Variants in KCNMB2 observed in about 807,000 individuals in gnomAD.
The protein encoded by KCNMB2 is potassium calcium-activated channel subfamily M regulatory beta subunit 2.
Under a neutral mutation model 24.5 loss-of-function variants are expected in KCNMB2, and 9 were observed. That is an observed-to-expected ratio of 0.37 (90% CI 0.22 to 0.64). The LOEUF (loss-of-function observed/expected upper bound fraction) is 0.64. Ranked by LOEUF, KCNMB2 falls within the 30% of genes least tolerant of loss-of-function variation. The probability of loss-of-function intolerance (pLI) is 0.63; values close to 1 mark genes in which losing one functional copy is unlikely to be tolerated. For missense variants in KCNMB2, 226 were observed against 284.3 expected (o/e 0.79, Z 1.47); for synonymous variants, 109 against 104.4 (o/e 1.04, Z -0.27).
intron 1 of KCNMB2, among the ~76,000 whole-genome samples, chr3:178,621,019 CT>C (rs1307200500): frequency 6.6e-6 from 1 of 152,174 alleles, no homozygotes; most frequent in Non-Finnish European, 1.5e-5. Context: ...CAATGGCAAA[CT>C]TTTGAAAGTT....
Position 178,653,554 on chromosome 3 carries a change from G to A in KCNMB2, c.-68+116843G>A, listed in dbSNP as rs149277606. On this transcript the variant is annotated intron_variant, in intron 1 of 4. Coordinates refer to ENST00000452583, the MANE Select transcript of KCNMB2 (RefSeq NM_181361.3). ...GATGTTTGCTCTAGCCTTTTGATAT[G>A]TAGCTTCTATAGAGTTAAACAAGGC... Among the ~76,000 whole-genome samples, 39 of 152,140 alleles carry A rather than the reference G, an allele frequency of 2.6e-4. No individual in the cohort carries two copies. The East Asian group carries it at 7.1e-3, about 28-fold the overall frequency.
chr3:178,705,426 C>T (rs1722245279), intron 1 of KCNMB2, among the ~76,000 whole-genome samples: 2 of 152,188 alleles, frequency 1.3e-5, no homozygotes, highest in South Asian at 4.1e-4. Context: ...CTAAAGCTGG[C>T]CTAGCCAAGA....
At chr3:178,569,921 G>C (rs1440821570) in intron 1 of KCNMB2, among the ~76,000 whole-genome samples, 2 of 152,128 alleles carry the variant, frequency 1.3e-5, no homozygotes, top group Non-Finnish European at 2.9e-5. Flanking sequence ...AAGGAAAGGG[G>C]CTGAAGATGA....
chr3:178,585,195 T>A (rs1052345914), intron 1 of KCNMB2, among the ~76,000 whole-genome samples: 4 of 150,688 alleles, frequency 2.7e-5, no homozygotes, highest in Non-Finnish European at 1.5e-5. Flanking sequence ...AACGCTTATG[T>A]TTTTCAGACT....
chr3:178,805,159 T>G (rs1022310753), intron 1 of KCNMB2, among the ~76,000 whole-genome samples: 4 of 152,322 alleles, frequency 2.6e-5, no homozygotes, highest in African/African-American at 9.6e-5. Flanking sequence ...TATGAATTCT[T>G]GCATCTGTAC....
chr3:178,789,982 A>G (rs1713260398), intron 1 of KCNMB2, among the ~76,000 whole-genome samples: 1 of 151,720 alleles, frequency 6.6e-6, no homozygotes, highest in Non-Finnish European at 1.5e-5. Context: ...TGCAGCTTGC[A>G]GCTCCAGGAG....
In KCNMB2 at chr3:178,654,895, TC is replaced by T. The variant is rs1720266276; in HGVS notation, c.-68+118185del. Among the ~76,000 whole-genome samples the T allele has an allele frequency of 2.6e-5, 4 of 152,334 alleles. No individual in the cohort carries two copies. In the South Asian group the frequency reaches 8.3e-4, roughly 32 times the overall value. ...GCTCCTCTGCTTATTTGCTGTGTTATCTCAGGCTGTCTAAGCCTCAGTTTTC... is the reference window on the plus strand; with the variant it reads ...GCTCCTCTGCTTATTTGCTGTGTTATTCAGGCTGTCTAAGCCTCAGTTTTC... On this transcript the variant is annotated intron_variant, in intron 1 of 4. Transcript: ENST00000452583.
chr3:178,537,816 G>A (rs1258707529), intron 1 of KCNMB2, among the ~76,000 whole-genome samples: 3 of 152,142 alleles, frequency 2.0e-5, no homozygotes, highest in East Asian at 3.9e-4. Context: ...CACAAACTCC[G>A]AGCTGTAAAG....
chr3:178,640,361 G>C (rs975156242), intron 1 of KCNMB2, among the ~76,000 whole-genome samples: 1 of 152,142 alleles, frequency 6.6e-6, no homozygotes, highest in African/African-American at 2.4e-5. Context: ...TGTTACCATG[G>C]AGGAGCAAGA....
rs550705929 is a variant in KCNMB2, at chr3:178,548,446, G to A, written c.-68+11735G>A. ...ATGTCAAGACCCTCCAATTTTTGAT[G>A]GCCAGGTGAATTTCTAGCCTAATCC... On this transcript the variant is annotated intron_variant, in intron 1 of 4. Transcript: ENST00000452583. Among the ~76,000 whole-genome samples, 61 of 152,224 alleles carry A rather than the reference G, an allele frequency of 4.0e-4. 1 individual carries two copies. The South Asian group carries it at 0.012, about 31-fold the overall frequency.
chr3:178,792,482 A>G (rs1713359552), intron 1 of KCNMB2, among the ~76,000 whole-genome samples: 1 of 152,216 alleles, frequency 6.6e-6, no homozygotes, highest in Non-Finnish European at 1.5e-5. Context: ...CACAAAAATG[A>G]ACACGGGAAG....
chr3:178,679,151 T>C (rs1721180470), intron 1 of KCNMB2, among the ~76,000 whole-genome samples: 1 of 152,194 alleles, frequency 6.6e-6, no homozygotes, highest in South Asian at 2.1e-4. Context: ...ATTTGTTGAC[T>C]GGGTCTCCCA....
intron 1 of KCNMB2, among the ~76,000 whole-genome samples, chr3:178,596,661 C>A (rs1169385957): frequency 6.6e-6 from 1 of 152,000 alleles, no homozygotes; most frequent in African/African-American, 2.4e-5. Flanking sequence ...TTCCATGGTC[C>A]TCTCCCATCT....
intron 1 of KCNMB2, among the ~76,000 whole-genome samples, chr3:178,736,004 A>T (rs1364817878): frequency 3.3e-5 from 5 of 152,142 alleles, no homozygotes; most frequent in Non-Finnish European, 7.4e-5. Flanking sequence ...TGTCTACTAC[A>T]CATTTGGCAC....
chr3:178,705,137 A>T (rs1722235986), intron 1 of KCNMB2, among the ~76,000 whole-genome samples: 1 of 152,078 alleles, frequency 6.6e-6, no homozygotes, highest in East Asian at 1.9e-4. Flanking sequence ...CTGGTAGCCT[A>T]AACCAGTCAT....
At chr3:178,757,533 G>GAT (rs559969917) in intron 1 of KCNMB2, among the ~76,000 whole-genome samples, 1 of 26,964 alleles carries the variant, frequency 3.7e-5, no homozygotes, top group African/African-American at 2.0e-4. Flanking sequence ...TATCCAAGAG[G>GAT]ATATATATAT....
intron 1 of KCNMB2, among the ~76,000 whole-genome samples, chr3:178,691,538 T>G (rs1432614893): frequency 2.6e-5 from 4 of 152,272 alleles, no homozygotes; most frequent in African/African-American, 9.6e-5. Flanking sequence ...GTTCATTTGC[T>G]AAGGATAAAG....
At chr3:178,789,221 T>G (rs1713228491) in intron 1 of KCNMB2, among the ~76,000 whole-genome samples, 1 of 152,188 alleles carries the variant, frequency 6.6e-6, no homozygotes, top group Non-Finnish European at 1.5e-5. Flanking sequence ...CAATGCGTCA[T>G]GATTATATGA....
intron 1 of KCNMB2, among the ~76,000 whole-genome samples, chr3:178,599,407 T>C (rs1639231399): frequency 2.0e-5 from 3 of 152,094 alleles, no homozygotes; most frequent in Admixed American, 2.0e-4. Context: ...GGCAAGCTAC[T>C]AAAAAAGCAG....
Sources: allele counts gnomAD v4.1 joint callset (sites outside exome capture counted in the v4.1 genomes callset), GRCh38; gene constraint gnomAD v4.1.1; transcripts MANE v1.5; gene names NCBI Gene and HGNC (gene_info 2026-07-23, HGNC 2026-07-21).